CSGALNACT1: variants seen among roughly 807,000 people sequenced by gnomAD.
The protein encoded by CSGALNACT1 is beta4GalNAcT-1.
Under a neutral mutation model 51.0 loss-of-function variants are expected in CSGALNACT1, and 52 were observed. The ratio of observed to expected loss-of-function variants is 1.02; its 90% confidence interval spans 0.82 to 1.29. The LOEUF (loss-of-function observed/expected upper bound fraction) is 1.29. Ranked by LOEUF, CSGALNACT1 falls within the 50% of genes most tolerant of loss-of-function variation. The probability of loss-of-function intolerance (pLI) is 0.00; values close to 1 mark genes in which losing one functional copy is unlikely to be tolerated. For missense variants in CSGALNACT1, 935 were observed against 679.2 expected, an observed-to-expected ratio of 1.38 and a Z score of -4.19; for synonymous variants, 341 against 254.4, an observed-to-expected ratio of 1.34 and a Z score of -3.24.
At chr8:19,476,744 G>C (rs1434812106) in intron 4 of CSGALNACT1, among the ~76,000 whole-genome samples, 1 of 152,164 alleles carries the variant, frequency 6.6e-6, no homozygotes, top group Non-Finnish European at 1.5e-5. Flanking sequence ...GTGCCACATG[G>C]TGAAAAAGCC....
intron 1 of CSGALNACT1, among the ~76,000 whole-genome samples, chr8:19,710,722 G>A (rs2062455656): frequency 6.6e-6 from 1 of 152,110 alleles, no homozygotes; most frequent in African/African-American, 2.4e-5. Flanking sequence ...GTGTGAAATT[G>A]AGTAGAAACC....
intron 1 of CSGALNACT1, among the ~76,000 whole-genome samples, chr8:19,694,387 A>T (rs2061483424): frequency 6.6e-6 from 1 of 152,238 alleles, no homozygotes; most frequent in African/African-American, 2.4e-5. Flanking sequence ...GCATTCCAAA[A>T]TACATTGTTG....
intron 3 of CSGALNACT1, chr8:19,532,128 C>T (rs959356606): frequency 4.0e-5 from 6 of 151,872 alleles, no homozygotes; most frequent in African/African-American, 1.5e-4. Context: ...GAGCCTTCGT[C>T]GCTGTTTCTT....
intron 1 of CSGALNACT1, among the ~76,000 whole-genome samples, chr8:19,723,258 C>G (rs937113072): frequency 6.6e-6 from 1 of 152,066 alleles, no homozygotes; most frequent in African/African-American, 2.4e-5. Flanking sequence ...GGTATACACC[C>G]AAATAAATGA....
intron 1 of CSGALNACT1, among the ~76,000 whole-genome samples, chr8:19,697,591 A>G (rs1418459352): frequency 4.6e-5 from 7 of 152,166 alleles, no homozygotes; most frequent in African/African-American, 1.7e-4. Context: ...ACCAAATGCT[A>G]CCTGGGGAGT....
At chr8:19,704,645 A>G (rs1273556232) in intron 1 of CSGALNACT1, among the ~76,000 whole-genome samples, 3 of 152,208 alleles carry the variant, frequency 2.0e-5, no homozygotes, top group Non-Finnish European at 4.4e-5. Context: ...CATTATTCAC[A>G]ATAAGATATG....
intron 1 of CSGALNACT1, among the ~76,000 whole-genome samples, chr8:19,676,366 G>C (rs912786873): frequency 6.6e-6 from 1 of 152,118 alleles, no homozygotes; most frequent in Non-Finnish European, 1.5e-5. Flanking sequence ...TCCCAGCAGG[G>C]AAACAGGAAC....
chr8:19,561,316 TAATGAAAATG>T (rs1210447929), intron 3 of CSGALNACT1, among the ~76,000 whole-genome samples: 1 of 152,204 alleles, frequency 6.6e-6, no homozygotes, highest in Non-Finnish European at 1.5e-5. Context: ...TTTGGTCTTA[TAATGAAAATG>T]ACAGAAAACA....
chr8:19,672,494 T>TC (rs2059871134), intron 1 of CSGALNACT1, among the ~76,000 whole-genome samples: 1 of 152,198 alleles, frequency 6.6e-6, no homozygotes, highest in African/African-American at 2.4e-5. Flanking sequence ...GCAAAGTATT[T>TC]CCCTGAATGC....
At chr8:19,450,818 G>A (rs1224327824) in intron 5 of CSGALNACT1, among the ~76,000 whole-genome samples, 1 of 152,022 alleles carries the variant, frequency 6.6e-6, no homozygotes, top group Non-Finnish European at 1.5e-5. Flanking sequence ...TCTGAGGGGG[G>A]AGGATCACTG....
chr8:19,602,974 T>TA (rs1312599873), upstream of CSGALNACT1, among the ~76,000 whole-genome samples: 1 of 149,638 alleles, frequency 6.7e-6, no homozygotes, highest in Non-Finnish European at 1.5e-5. Context: ...TTTGCTATTT[T>TA]TATATATATA....
In CSGALNACT1 at chr8:19,411,168, A is replaced by G. The variant is rs182659923; in HGVS notation, c.1228-2474T>C. Among the ~76,000 whole-genome samples the G allele has an allele frequency of 2.0e-4, 31 of 152,168 alleles. No homozygotes were observed. The East Asian group carries it at 5.8e-3, about 28-fold the overall frequency. On this transcript the variant is annotated intron_variant, in intron 8 of 9. Transcript: ENST00000454498. ...CCACACACCACTAAGCTGTGCTCCAATGTCACTATTCAGAGTGGTCGTCCT... is the reference window on the plus strand; with the variant it reads ...CCACACACCACTAAGCTGTGCTCCAGTGTCACTATTCAGAGTGGTCGTCCT...
At chr8:19,528,808 A>G (rs2082205603) in intron 3 of CSGALNACT1, among the ~76,000 whole-genome samples, 1 of 152,146 alleles carries the variant, frequency 6.6e-6, no homozygotes, top group South Asian at 2.1e-4. Context: ...CTTTGGCTGG[A>G]GGGAACTGAC....
intron 2 of CSGALNACT1, among the ~76,000 whole-genome samples, chr8:19,599,735 T>C (rs939946829): frequency 1.1e-4 from 17 of 152,212 alleles, no homozygotes; most frequent in African/African-American, 3.6e-4. Context: ...TTGGGGAACC[T>C]GGGAAGCCCT....
At chr8:19,697,826 G>T (rs1341691252) in intron 1 of CSGALNACT1, among the ~76,000 whole-genome samples, 1 of 152,180 alleles carries the variant, frequency 6.6e-6, no homozygotes, top group South Asian at 2.1e-4. Context: ...TTAGAGAGAG[G>T]TGGTGGGTAA....
intron 1 of CSGALNACT1, among the ~76,000 whole-genome samples, chr8:19,736,306 G>C (rs961882118): frequency 1.3e-5 from 2 of 152,124 alleles, no homozygotes; most frequent in Non-Finnish European, 2.9e-5. Context: ...TATGACGACA[G>C]ACTTGAGTAG....
chr8:19,614,472 C>A (rs924239148), intron 1 of CSGALNACT1, among the ~76,000 whole-genome samples: 1 of 152,118 alleles, frequency 6.6e-6, no homozygotes, highest in African/African-American at 2.4e-5. Flanking sequence ...TTCCTGTTTA[C>A]TGAGTTATCA....
At chr8:19,629,299 A>G (rs1000420227) in intron 1 of CSGALNACT1, among the ~76,000 whole-genome samples, 1 of 152,234 alleles carries the variant, frequency 6.6e-6, no homozygotes, top group Non-Finnish European at 1.5e-5. Context: ...TCAAGAAGGA[A>G]AAAACAAAAC....
chr8:19,500,628 C>T (rs183737983), intron 4 of CSGALNACT1, among the ~76,000 whole-genome samples: 1 of 152,292 alleles, frequency 6.6e-6, no homozygotes, highest in African/African-American at 2.4e-5. Flanking sequence ...TAGTGATACA[C>T]CGACAAGTGA....
Sources: gnomAD v4.1 joint callset for allele counts (sites outside exome capture counted in the v4.1 genomes callset) on GRCh38, gnomAD v4.1.1 for gene constraint, MANE v1.5 for transcripts, NCBI Gene and HGNC (gene_info 2026-07-23, HGNC 2026-07-21) for gene names.